Variants in ADGRV1 observed in about 807,000 individuals in gnomAD.
ADGRV1 encodes the protein G-protein coupled receptor 98.
In ADGRV1, 359 loss-of-function variants were observed where a neutral mutation model predicts 596.2. The ratio of observed to expected loss-of-function variants is 0.60; its 90% CI spans 0.55 to 0.66. The LOEUF is 0.66. ADGRV1 is among the 30% of genes least tolerant of loss of function. The pLI is 0.00. For synonymous variants in ADGRV1, 2,681 were observed against 2,679.2 expected (o/e 1.00, Z -0.02); for missense variants, 7,274 against 7,575.6 (o/e 0.96, Z 1.48).
intron 43 of ADGRV1, chr5:90,718,062 T>G (rs976739626): frequency 6.6e-6 from 1 of 152,248 alleles, no homozygotes; most frequent in South Asian, 2.1e-4. Context: ...TTCACAGCAA[T>G]GTACAACCAT....
intron 83 of ADGRV1, among the ~76,000 whole-genome samples, chr5:90,918,496 T>TTAG (rs576376304): frequency 4.7e-4 from 71 of 152,322 alleles, no homozygotes; most frequent in Admixed American, 5.9e-4. Flanking sequence ...ATAGCAAAGA[T>TTAG]TAGTGGAACA....
At chr5:90,564,964 G>A (rs1222113982) in intron 1 of ADGRV1, among the ~76,000 whole-genome samples, 2 of 152,034 alleles carry the variant, frequency 1.3e-5, no homozygotes, top group African/African-American at 4.8e-5. Context: ...CCTGGGCGTG[G>A]TGGCTCACTC....
chr5:90,622,552 C>G, intron 4 of ADGRV1, 45 bp from the exon 5 acceptor site: 4 of 890,384 alleles, frequency 4.5e-6, no homozygotes, highest in Admixed American at 3.6e-5. Context: ...CCTCATACCT[C>G]TGATTGCTCA....
intron 85 of ADGRV1, among the ~76,000 whole-genome samples, chr5:90,991,260 G>A (rs961181288): frequency 6.6e-6 from 1 of 152,102 alleles, no homozygotes; most frequent in African/African-American, 2.4e-5. Flanking sequence ...TGCCTGCTTT[G>A]TTTCATCCTT....
At chr5:91,079,760 G>C (rs1322713890) in intron 86 of ADGRV1, among the ~76,000 whole-genome samples, 1 of 152,136 alleles carries the variant, frequency 6.6e-6, no homozygotes, top group Admixed American at 6.5e-5. Flanking sequence ...GTCTCAATTG[G>C]AGATGGATGA....
chr5:91,061,739 AT>A (rs1245521511), intron 85 of ADGRV1, among the ~76,000 whole-genome samples: 1 of 152,160 alleles, frequency 6.6e-6, no homozygotes, highest in East Asian at 1.9e-4. Context: ...GTCCTTTGGC[AT>A]TTTTTGAGGG....
intron 87 of ADGRV1, 21 bp from the exon 88 acceptor site, chr5:91,150,009 C>CTTTTCTTTTTTT: frequency 7.8e-7 from 1 of 1,288,700 alleles, no homozygotes; most frequent in African/African-American, 1.7e-5. Context: ...CTTTTCTTTT[C>CTTTTCTTTTTTT]TTTTTTTTTT....
At chr5:91,152,430 T>C (rs1228332643) in intron 88 of ADGRV1, among the ~76,000 whole-genome samples, 1 of 152,202 alleles carries the variant, frequency 6.6e-6, no homozygotes, top group Non-Finnish European at 1.5e-5. Context: ...GGAGGATTCT[T>C]CTCCATTTCT....
At chr5:90,673,611 C>G (rs1772806071) in intron 22 of ADGRV1, among the ~76,000 whole-genome samples, 1 of 152,046 alleles carries the variant, frequency 6.6e-6, no homozygotes. Context: ...AGGGCTTACT[C>G]TGCTTCAAAG....
chr5:90,976,328 ATATATATATATATATATATATG>A (rs1779603210), intron 84 of ADGRV1, among the ~76,000 whole-genome samples: 1 of 130,370 alleles, frequency 7.7e-6, no homozygotes, highest in South Asian at 2.3e-4. Context: ...GTGTGTATAT[ATATATATATATATATATATATG>A]TATATGTATA....
At chr5:91,011,995 A>C (rs935044477) in intron 85 of ADGRV1, among the ~76,000 whole-genome samples, 1 of 151,716 alleles carries the variant, frequency 6.6e-6, no homozygotes, top group African/African-American at 2.4e-5. Flanking sequence ...TTTCTTTTTG[A>C]TTAACCATTA....
Position 90,745,622 on chromosome 5 carries a change from A to G in ADGRV1, c.10801A>G (p.Arg3601Gly), listed in dbSNP as rs771934458. 13 of 1,612,408 alleles carry G rather than the reference A, an allele frequency of 8.1e-6. No homozygotes were observed. Among genetic ancestry groups the G allele is most frequent in the Non-Finnish European group, 1.1e-5 (13 of 1,179,104 alleles). The change falls in exon 52 of 90, where the codon AGA becomes GGA. Residue 3601 changes from arginine to glycine, a missense_variant. Arg to Gly is a moderately radical substitution (Grantham distance 125). Transcript: ENST00000405460. ...TGAACTGATATTTGAACCTGGTGAGAGAGAAGCTACAATAGCAGTAAATAT... is the reference window on the plus strand; with the variant it reads ...TGAACTGATATTTGAACCTGGTGAGGGAGAAGCTACAATAGCAGTAAATAT... ...SGELIFEPGE[R>G]EATIAVNILD...
chr5:90,669,613 T>C (rs1772134698), intron 21 of ADGRV1, among the ~76,000 whole-genome samples: 1 of 152,130 alleles, frequency 6.6e-6, no homozygotes, highest in Non-Finnish European at 1.5e-5. Context: ...GCAGCTTGTG[T>C]GTTATTGTGA....
intron 82 of ADGRV1, among the ~76,000 whole-genome samples, chr5:90,858,910 G>T (rs527551215): frequency 6.6e-6 from 1 of 152,132 alleles, no homozygotes; most frequent in East Asian, 1.9e-4. Flanking sequence ...CTTGAGTCCA[G>T]TTTTAACAGC....
At chr5:90,574,144 T>C (rs900657868) in intron 1 of ADGRV1, among the ~76,000 whole-genome samples, 17 of 151,974 alleles carry the variant, frequency 1.1e-4, no homozygotes, top group Admixed American at 6.5e-5. Context: ...AGGCTCTTTT[T>C]CGGTTCCATG....
chr5:91,050,911 G>A (rs1212429370), intron 85 of ADGRV1, among the ~76,000 whole-genome samples: 1 of 152,206 alleles, frequency 6.6e-6, no homozygotes, highest in African/African-American at 2.4e-5. Context: ...ATATCCACTA[G>A]AATGTAAGCT....
chr5:90,852,557 T>C (rs1322897024), intron 79 of ADGRV1, among the ~76,000 whole-genome samples: 1 of 152,104 alleles, frequency 6.6e-6, no homozygotes, highest in East Asian at 1.9e-4. Flanking sequence ...AAATATAAAT[T>C]CCTAGAACCC....
chr5:90,946,839 C>G (rs1229580257), intron 83 of ADGRV1, among the ~76,000 whole-genome samples: 2 of 152,002 alleles, frequency 1.3e-5, no homozygotes, highest in African/African-American at 4.8e-5. Flanking sequence ...ATATATGTAC[C>G]ACATTTTCTT....
chr5:91,061,347 G>A lies in ADGRV1; in HGVS notation c.18153-11100G>A, dbSNP rs1787415505. 2.0e-5 allele frequency among the ~76,000 whole-genome samples: 3 copies of A among 152,174 alleles called. No individual in the cohort carries two copies. In the South Asian group the frequency reaches 6.2e-4, roughly 32 times the overall value. On this transcript the variant is annotated intron_variant, in intron 85 of 89. Transcript: ENST00000405460. The stretch of plus-strand genomic sequence containing the variant: ...GGATTTATTTCAGCAGTTTTATCAA[G>A]TTGCTTAGGGAACAGGCTGCTCAGA...
Sources: allele counts gnomAD v4.1 joint callset (sites outside exome capture counted in the v4.1 genomes callset), GRCh38; gene constraint gnomAD v4.1.1; transcripts MANE v1.5; gene names NCBI Gene and HGNC (gene_info 2026-07-23, HGNC 2026-07-21).